RAP1B: variants seen among roughly 807,000 people sequenced by gnomAD.
RAP1B encodes the protein RAP1B, member of RAS oncogene family, also known as ras-related protein Rap-1b.
Under a neutral mutation model 27.5 loss-of-function variants are expected in RAP1B, and 1 was observed. That is an observed-to-expected ratio of 0.04 (90% CI 0.01 to 0.17). The LOEUF is 0.17. Among genes scored for constraint, RAP1B ranks in the 10% least tolerant of loss-of-function variants. The pLI is 1.00. For synonymous variants in RAP1B, 75 were observed against 73.1 expected (o/e 1.03, Z -0.13); for missense variants, 84 against 214.8 (o/e 0.39, Z 3.81).
At chr12:68,654,852 G>A (rs1874087554) in intron 5 of RAP1B, among the ~76,000 whole-genome samples, 1 of 152,164 alleles carries the variant, frequency 6.6e-6, no homozygotes, top group Non-Finnish European at 1.5e-5. Flanking sequence ...AAATATAGCA[G>A]TGGTTCTCAA....
chr12:68,623,497 T>G (rs2135922239), intron 1 of RAP1B, among the ~76,000 whole-genome samples: 1 of 152,280 alleles, frequency 6.6e-6, no homozygotes, highest in African/African-American at 2.4e-5. Flanking sequence ...TATTTTTGGA[T>G]TTCAGAATTT....
At chr12:68,616,958 T>A (rs988065123) in intron 1 of RAP1B, among the ~76,000 whole-genome samples, 1 of 152,152 alleles carries the variant, frequency 6.6e-6, no homozygotes, top group African/African-American at 2.4e-5. Context: ...TTTCTTTGCC[T>A]TGTAGGAAGG....
rs566949918 is a variant in RAP1B, at chr12:68,632,086, A to G, written c.-26-16613A>G. Among the ~76,000 whole-genome samples, 24 of 147,672 alleles carry G rather than the reference A, an allele frequency of 1.6e-4. No individual in the cohort carries two copies. In the East Asian group the frequency reaches 4.3e-3, roughly 27 times the overall value. On this transcript the variant is annotated intron_variant, in intron 1 of 7. Transcript: ENST00000250559. ...CTTTTTCTTTTTAAAGAATAAACAC[A>G]TAAAATGAACATGAAGGAAACAGTT...
chr12:68,648,303 C>G (rs1314072778), intron 1 of RAP1B, among the ~76,000 whole-genome samples: 1 of 152,072 alleles, frequency 6.6e-6, no homozygotes, highest in Non-Finnish European at 1.5e-5. Context: ...TTATATTTAC[C>G]ATTTATGTAT....
intron 1 of RAP1B, among the ~76,000 whole-genome samples, 192 bp from the exon 2 acceptor site, chr12:68,648,507 C>T (rs1302937861): frequency 6.6e-6 from 1 of 152,142 alleles, no homozygotes; most frequent in Non-Finnish European, 1.5e-5. Context: ...GGCTCAAAGT[C>T]ATGTCTGTAA....
chr12:68,653,719 G>A (rs1295806598), intron 4 of RAP1B, among the ~76,000 whole-genome samples: 1 of 152,068 alleles, frequency 6.6e-6, no homozygotes, highest in Non-Finnish European at 1.5e-5. Flanking sequence ...ACAAGGTCAG[G>A]AGATGGAGAT....
At chr12:68,627,247 G>T in intron 1 of RAP1B, 1 of 1,205,834 alleles carries the variant, frequency 8.3e-7, no homozygotes, top group Non-Finnish European at 1.2e-6. Context: ...TGTCTCCAGG[G>T]TCCCTTAGAG....
intron 1 of RAP1B, among the ~76,000 whole-genome samples, chr12:68,632,748 A>G (rs1299971122): frequency 6.6e-6 from 1 of 152,222 alleles, no homozygotes; most frequent in African/African-American, 2.4e-5. Flanking sequence ...AATTAAAAAT[A>G]AGATATAAGA....
intron 5 of RAP1B, among the ~76,000 whole-genome samples, chr12:68,655,207 A>G (rs1874118223): frequency 1.3e-5 from 2 of 151,912 alleles, no homozygotes; most frequent in Admixed American, 6.6e-5. Context: ...GGTCTCAGCT[A>G]TTTGGGAGGC....
At chr12:68,658,327 CAT>C (rs1276335904) in intron 7 of RAP1B, among the ~76,000 whole-genome samples, 1 of 152,180 alleles carries the variant, frequency 6.6e-6, no homozygotes, top group Non-Finnish European at 1.5e-5. Context: ...TAGCAGCACA[CAT>C]GTGCTTGAGC....
chr12:68,630,535 T>C (rs1418789134), intron 1 of RAP1B, among the ~76,000 whole-genome samples: 1 of 152,182 alleles, frequency 6.6e-6, no homozygotes, highest in Non-Finnish European at 1.5e-5. Flanking sequence ...TTAGGTGTCT[T>C]CCATATTCCA....
intron 1 of RAP1B, among the ~76,000 whole-genome samples, chr12:68,621,253 A>G (rs931944994): frequency 6.6e-6 from 1 of 152,128 alleles, no homozygotes; most frequent in Admixed American, 6.5e-5. Flanking sequence ...CCTATATTAA[A>G]TAATTAACTG....
chr12:68,627,051 G>C, intron 1 of RAP1B: 4 of 1,593,372 alleles, frequency 2.5e-6, no homozygotes, highest in African/African-American at 1.3e-5. Context: ...CTTGAACTTG[G>C]CCCTGCGCAG....
At chr12:68,645,184 C>T (rs955325204) in intron 1 of RAP1B, among the ~76,000 whole-genome samples, 1 of 152,178 alleles carries the variant, frequency 6.6e-6, no homozygotes, top group African/African-American at 2.4e-5. Flanking sequence ...AGTTTACATT[C>T]TTTGTAATCC....
chr12:68,645,491 C>G (rs182774686), intron 1 of RAP1B, among the ~76,000 whole-genome samples: 30 of 151,964 alleles, frequency 2.0e-4, no homozygotes, highest in Admixed American at 3.3e-4. Context: ...TTTCAAAGTG[C>G]TCATTCTTAA....
chr12:68,631,370 A>G (rs1212981746), intron 1 of RAP1B, among the ~76,000 whole-genome samples: 3 of 152,206 alleles, frequency 2.0e-5, no homozygotes, highest in Admixed American at 6.5e-5. Context: ...AATGCTTACC[A>G]TGCCTAGATG....
intron 1 of RAP1B, among the ~76,000 whole-genome samples, chr12:68,633,758 T>A (rs999254470): frequency 7.9e-5 from 12 of 152,136 alleles, no homozygotes; most frequent in African/African-American, 2.9e-4. Flanking sequence ...TAGTCCCAGC[T>A]ACTCAGGAGG....
intron 1 of RAP1B, chr12:68,642,647 T>A: frequency 1.8e-6 from 2 of 1,098,082 alleles, no homozygotes; most frequent in Non-Finnish European, 2.8e-6. Context: ...CTTCTCCATC[T>A]GTTTCTCATA....
chr12:68,656,015 G>A (rs1960087716), intron 5 of RAP1B, among the ~76,000 whole-genome samples: 1 of 152,112 alleles, frequency 6.6e-6, no homozygotes, highest in Admixed American at 6.5e-5. Context: ...ACTAGGTTGT[G>A]TTCATTTTAC....
Sources: gnomAD v4.1 joint callset for allele counts (sites outside exome capture counted in the v4.1 genomes callset) on GRCh38, gnomAD v4.1.1 for gene constraint, MANE v1.5 for transcripts, NCBI Gene and HGNC (gene_info 2026-07-23, HGNC 2026-07-21) for gene names.